PCDHAC1: variants seen among roughly 807,000 people sequenced by gnomAD.
PCDHAC1 encodes protocadherin alpha-C1.
PCDHAC1 carries 42 observed loss-of-function variants against 60.0 expected under a neutral mutation model. The ratio of observed to expected loss-of-function variants is 0.70; its 90% CI spans 0.55 to 0.90. The LOEUF is 0.90. Among genes scored for constraint, PCDHAC1 ranks in the 40% least tolerant of loss-of-function variants. The pLI, the probability that PCDHAC1 is intolerant of heterozygous loss-of-function variation, is 0.00. For missense variants in PCDHAC1, 1,160 were observed against 1,222.3 expected (o/e 0.95, Z 0.76); for synonymous variants, 468 against 499.3 (o/e 0.94, Z 0.84).
intron 1 of PCDHAC1, among the ~76,000 whole-genome samples, chr5:140,974,327 G>A (rs2096622889): frequency 6.6e-6 from 1 of 152,194 alleles, no homozygotes; most frequent in African/African-American, 2.4e-5. Context: ...TAGCTGCTGT[G>A]CTAGCAGGCT....
chr5:140,971,019 G>A (rs908442935), intron 1 of PCDHAC1, among the ~76,000 whole-genome samples: 2 of 152,174 alleles, frequency 1.3e-5, no homozygotes, highest in African/African-American at 2.4e-5. Flanking sequence ...TCTTTAGATC[G>A]TAGCATTTGA....
intron 3 of PCDHAC1, among the ~76,000 whole-genome samples, chr5:140,983,886 T>C (rs1280409622): frequency 1.3e-5 from 2 of 152,206 alleles, no homozygotes; most frequent in Non-Finnish European, 2.9e-5. Flanking sequence ...CTGGCAACTT[T>C]AAGGGCATTC....
At chr5:140,965,864 G>A (rs553582487) in intron 1 of PCDHAC1, among the ~76,000 whole-genome samples, 1 of 152,254 alleles carries the variant, frequency 6.6e-6, no homozygotes, top group East Asian at 1.9e-4. Flanking sequence ...CTGAAAATAA[G>A]GGCCACTTGG....
At chr5:141,006,741 A>G (rs1275777013) in intron 3 of PCDHAC1, among the ~76,000 whole-genome samples, 2 of 152,208 alleles carry the variant, frequency 1.3e-5, no homozygotes, top group Non-Finnish European at 2.9e-5. Flanking sequence ...TTGATGATGT[A>G]TTATAAATGG....
chr5:140,942,443 A>G (rs1204508547), intron 1 of PCDHAC1, among the ~76,000 whole-genome samples: 2 of 152,100 alleles, frequency 1.3e-5, no homozygotes, highest in African/African-American at 4.8e-5. Flanking sequence ...ATAAACAAGT[A>G]AACTATCAAT....
At chr5:140,968,378 G>A (rs782689152) in intron 1 of PCDHAC1, 15 of 1,614,040 alleles carry the variant, frequency 9.3e-6, no homozygotes, top group Non-Finnish European at 1.3e-5. Context: ...CAACTCCTTT[G>A]ACTATGAGAA....
At chr5:140,969,162 C>T in intron 1 of PCDHAC1, 1 of 1,614,110 alleles carries the variant, frequency 6.2e-7, no homozygotes, top group Non-Finnish European at 8.5e-7. Flanking sequence ...TGTCTGACAG[C>T]AGGCTCAGGG....
In PCDHAC1 at chr5:140,926,659, C is replaced by T; in HGVS notation, c.-234C>T. The stretch of plus-strand genomic sequence containing the variant: ...TCAACACCCGGCCGGCTCCGCTTTC[C>T]CAGACGGCTGCCCAGCCTCCAGCCT... On this transcript the variant is annotated 5_prime_UTR_variant, in exon 1 of 4. Coordinates refer to ENST00000253807, the MANE Select transcript of PCDHAC1 (RefSeq NM_018898.5). 1 of 531,904 alleles carries T rather than the reference C, an allele frequency of 1.9e-6. No homozygotes were observed. The highest frequency in any genetic ancestry group is 3.0e-6 in the Non-Finnish European group (1 of 334,200). 32.9% of individuals were successfully genotyped at this position (531,904 alleles called of 1,614,324 possible).
chr5:140,938,439 A>C (rs2092064072), intron 1 of PCDHAC1, among the ~76,000 whole-genome samples: 1 of 152,208 alleles, frequency 6.6e-6, no homozygotes, highest in African/African-American at 2.4e-5. Flanking sequence ...TATCAGATTT[A>C]TTAAGTTCCC....
At chr5:140,997,091 G>A (rs73268064) in intron 3 of PCDHAC1, among the ~76,000 whole-genome samples, 546 of 152,154 alleles carry the variant, frequency 3.6e-3, no homozygotes, top group Middle Eastern at 0.014. Flanking sequence ...AGAAAGTGCA[G>A]AGTTCTCATG....
At chr5:140,957,289 C>T (rs1235564629) in intron 1 of PCDHAC1, among the ~76,000 whole-genome samples, 1 of 152,162 alleles carries the variant, frequency 6.6e-6, no homozygotes, top group Non-Finnish European at 1.5e-5. Context: ...CCTGCAGTTT[C>T]ACTCTGAGCA....
At chr5:140,932,091 T>G (rs904157159) in intron 1 of PCDHAC1, among the ~76,000 whole-genome samples, 1 of 151,872 alleles carries the variant, frequency 6.6e-6, no homozygotes, top group Non-Finnish European at 1.5e-5. Context: ...GAAAACATGG[T>G]TTTTATCTCT....
intron 1 of PCDHAC1, among the ~76,000 whole-genome samples, chr5:140,962,957 C>T (rs915413264): frequency 1.3e-5 from 2 of 152,014 alleles, no homozygotes; most frequent in Non-Finnish European, 2.9e-5. Flanking sequence ...ATGCTCTATC[C>T]CTATATAGGA....
chr5:140,955,397 A>G (rs1470827673), intron 1 of PCDHAC1, among the ~76,000 whole-genome samples: 1 of 152,130 alleles, frequency 6.6e-6, no homozygotes, highest in Non-Finnish European at 1.5e-5. Context: ...CAATTATCCC[A>G]TACAGTTCTC....
rs2083548742 is a variant in PCDHAC1, at chr5:140,926,771, A to C, written c.-122A>C. 8.0e-6 allele frequency: 11 copies of C among 1,372,492 alleles called. No individual in the cohort carries two copies. The highest frequency in any genetic ancestry group is 1.0e-5 in the Non-Finnish European group (11 of 1,055,684). 85.0% of individuals were successfully genotyped at this position (1,372,492 alleles called of 1,614,324 possible). ...GGCGGTCGCTGAGTATCCAGCCCGC[A>C]GCAGTGACGGCCGGCAGGAGCGTGC... On this transcript the variant is annotated 5_prime_UTR_variant, in exon 1 of 4. Transcript: ENST00000253807.
intron 3 of PCDHAC1, among the ~76,000 whole-genome samples, chr5:140,992,004 G>A (rs1165725360): frequency 2.0e-5 from 3 of 147,598 alleles, no homozygotes; most frequent in Non-Finnish European, 3.0e-5. Context: ...TTCATGTTCA[G>A]GCAGAGGTGG....
intron 1 of PCDHAC1, among the ~76,000 whole-genome samples, chr5:140,950,426 AC>A (rs386419652): frequency 1.3e-5 from 2 of 151,870 alleles, no homozygotes; most frequent in Admixed American, 6.6e-5. Flanking sequence ...ATTTTCTTCC[AC>A]TTAAAAAAAA....
intron 1 of PCDHAC1, among the ~76,000 whole-genome samples, chr5:140,960,614 G>A (rs1167351854): frequency 3.3e-5 from 5 of 152,130 alleles, no homozygotes; most frequent in African/African-American, 1.2e-4. Context: ...AATATCTAGT[G>A]TGTTTTTGAA....
At chr5:140,929,353 C>T in intron 1 of PCDHAC1, 28 bp downstream of exon 1, 1 of 1,527,090 alleles carries the variant, frequency 6.5e-7, no homozygotes, top group Non-Finnish European at 8.8e-7. Context: ...AATTTGATTC[C>T]TTTGGCCCGG....
Sources: gnomAD v4.1 joint callset for allele counts (sites outside exome capture counted in the v4.1 genomes callset) on GRCh38, gnomAD v4.1.1 for gene constraint, MANE v1.5 for transcripts, NCBI Gene and HGNC (gene_info 2026-07-23, HGNC 2026-07-21) for gene names.